Variants in SV2B observed in about 807,000 individuals in gnomAD.
The protein encoded by SV2B is solute carrier family 22 member B2.
SV2B carries 41 observed loss-of-function variants against 73.9 expected under a neutral mutation model. The observed-to-expected ratio is 0.56, with a 90% confidence interval of 0.43 to 0.72. The LOEUF (loss-of-function observed/expected upper bound fraction) is 0.72, where lower values mean the gene tolerates loss of function less well. Among genes scored for constraint, SV2B ranks in the 30% least tolerant of loss-of-function variants. The pLI is 0.00. For missense variants in SV2B, 764 were observed against 857.8 expected (o/e 0.89, Z 1.37); for synonymous variants, 314 against 314.2 (o/e 1.00, Z 0.01).
rs573041803 is a variant in SV2B, at chr15:91,301,431, T to C, written c.*8879T>C. The C allele has an allele frequency of 3.9e-5, 6 of 152,342 alleles. No homozygotes were observed. In the East Asian group the frequency reaches 9.6e-4, roughly 24 times the overall value. 9.4% of individuals were successfully genotyped at this position (152,342 alleles called of 1,614,324 possible). On this transcript the variant is annotated 3_prime_UTR_variant, in exon 13 of 13. Coordinates refer to ENST00000394232, the MANE Select transcript of SV2B (RefSeq NM_001323032.3). The surrounding 1 kb of genome is among the most constrained non-coding windows in gnomAD (Gnocchi z 4.3). Reference sequence around the variant, plus strand: ...TACCGATGCCTTTTTTGTTCTTTGGTATATTAAAATAGTAGTAACAGTTGA... The same window carrying C: ...TACCGATGCCTTTTTTGTTCTTTGGCATATTAAAATAGTAGTAACAGTTGA...
At chr15:91,279,850 C>T (rs141120661) in intron 9 of SV2B, among the ~76,000 whole-genome samples, 3 of 152,218 alleles carry the variant, frequency 2.0e-5, no homozygotes, top group Non-Finnish European at 2.9e-5. Context: ...GAGGCATCTT[C>T]TTGTAACAAA....
At chr15:91,155,320 G>T (rs969585928) in intron 1 of SV2B, among the ~76,000 whole-genome samples, 13 of 152,178 alleles carry the variant, frequency 8.5e-5, no homozygotes, top group African/African-American at 2.9e-4. Flanking sequence ...CTATGCCAGT[G>T]AGTATTAACT....
chr15:91,297,841 C>G lies in SV2B; in HGVS notation c.*5289C>G, dbSNP rs192040796. On this transcript the variant is annotated 3_prime_UTR_variant, in exon 13 of 13. Coordinates refer to ENST00000394232, the MANE Select transcript of SV2B (RefSeq NM_001323032.3). The surrounding 1 kb of genome is among the most constrained non-coding windows in gnomAD (Gnocchi z 5.1). ...TGCTTGGTTTCACTCAGGTCCTGTC[C>G]TTATGGGCCTGTGTCTGGTTGCAGG... 1 of 152,330 alleles carries G rather than the reference C, an allele frequency of 6.6e-6. No homozygotes were observed. Among genetic ancestry groups the G allele is most frequent in the East Asian group, 1.9e-4 (1 of 5,190 alleles). The allele number at this position is 152,330 out of a possible 1,614,324, so 9.4% of individuals were successfully genotyped here.
Position 91,283,872 on chromosome 15 carries a change from C to A in SV2B, c.1508-149C>A. On this transcript the variant is annotated intron_variant, in intron 10 of 12. Coordinates refer to ENST00000394232, the MANE Select transcript of SV2B (RefSeq NM_001323032.3). The surrounding 1 kb of genome is among the most constrained non-coding windows in gnomAD (Gnocchi z 4.3). ...CCTCATCCATACCTTGATGACATGG[C>A]CACATATTACCTTGACTTTGAGGCT... The A allele has an allele frequency of 1.3e-6, 1 of 777,192 alleles. No homozygotes were observed. Among genetic ancestry groups the A allele is most frequent in the Non-Finnish European group, 2.2e-6 (1 of 463,932 alleles). 48.1% of individuals were successfully genotyped at this position (777,192 alleles called of 1,614,324 possible).
intron 2 of SV2B, among the ~76,000 whole-genome samples, chr15:91,247,309 T>A (rs2047274968): frequency 1.3e-5 from 2 of 152,228 alleles, no homozygotes; most frequent in Admixed American, 6.5e-5. Flanking sequence ...ACTAAGGGGT[T>A]GGATTCAACA....
chr15:91,166,603 A>T (rs185729423), intron 1 of SV2B, among the ~76,000 whole-genome samples: 15 of 152,006 alleles, frequency 9.9e-5, no homozygotes, highest in Middle Eastern at 3.4e-3. Flanking sequence ...AGAACTTTTG[A>T]TATAGTTCCA....
chr15:91,120,180 G>T (rs565217542), intron 1 of SV2B, among the ~76,000 whole-genome samples: 1 of 152,166 alleles, frequency 6.6e-6, no homozygotes, highest in Non-Finnish European at 1.5e-5. Context: ...AGGTTTAATT[G>T]ACTCACAGTT....
At position 91,229,520 on chromosome 15, in the gene SV2B, G is replaced by T. The variant is rs923161696; in HGVS notation, c.451+2806G>T. Among the ~76,000 whole-genome samples the T allele has an allele frequency of 1.3e-5, 2 of 152,188 alleles. No homozygotes were observed. Among genetic ancestry groups the T allele is most frequent in the African/African-American group, 4.8e-5 (2 of 41,446 alleles). On this transcript the variant is annotated intron_variant, in intron 2 of 12. Transcript: ENST00000394232. The surrounding 1 kb of genome is among the most constrained non-coding windows in gnomAD (Gnocchi z 4.3). Reference sequence around the variant, plus strand: ...ACGTGGCCCTGGAGCCAGTTGCTTGGATTTGAATCCTTGCTGTGCCAGTTC... The same window carrying T: ...ACGTGGCCCTGGAGCCAGTTGCTTGTATTTGAATCCTTGCTGTGCCAGTTC...
chr15:91,169,146 T>TCTC (rs993215152), intron 1 of SV2B, among the ~76,000 whole-genome samples: 5 of 151,872 alleles, frequency 3.3e-5, no homozygotes, highest in African/African-American at 4.8e-5. Flanking sequence ...TCATTCTGTT[T>TCTC]CTCCTCCTCC....
At chr15:91,255,606 A>G (rs1024589110) in intron 4 of SV2B, among the ~76,000 whole-genome samples, 1 of 152,210 alleles carries the variant, frequency 6.6e-6, no homozygotes, top group African/African-American at 2.4e-5. Flanking sequence ...CCTGTTCCCC[A>G]ATAACCTATG....
intron 1 of SV2B, among the ~76,000 whole-genome samples, chr15:91,133,096 T>C (rs1026926420): frequency 2.0e-5 from 3 of 152,160 alleles, no homozygotes; most frequent in Non-Finnish European, 4.4e-5. Context: ...CTGAGGATCA[T>C]AGAGATTAAG....
At chr15:91,255,548 A>C (rs1039048710) in intron 4 of SV2B, among the ~76,000 whole-genome samples, 1 of 152,146 alleles carries the variant, frequency 6.6e-6, no homozygotes, top group African/African-American at 2.4e-5. Context: ...GGTGTACCAA[A>C]ATCTCACAAA....
intron 1 of SV2B, among the ~76,000 whole-genome samples, chr15:91,125,460 G>A (rs187241668): frequency 1.1e-4 from 16 of 152,226 alleles, no homozygotes; most frequent in African/African-American, 2.6e-4. Context: ...AGTGCAAGGA[G>A]TGAGGCTTCC....
In SV2B at chr15:91,261,027, G is replaced by T. The variant is rs555144943; in HGVS notation, c.1008+618G>T. Among the ~76,000 whole-genome samples the T allele has an allele frequency of 6.6e-6, 1 of 152,324 alleles. No individual in the cohort carries two copies. The highest frequency in any genetic ancestry group is 2.1e-4 in the South Asian group (1 of 4,830). On this transcript the variant is annotated intron_variant, in intron 6 of 12. Transcript: ENST00000394232. The surrounding 1 kb of genome is among the most constrained non-coding windows in gnomAD (Gnocchi z 4.7). ...GCAGAGCCACACCACATCAGAGGCC[G>T]AGGCTGGCAGATCACTTGAAGTCAG...
intron 6 of SV2B, among the ~76,000 whole-genome samples, chr15:91,266,135 G>A (rs1270499575): frequency 6.6e-6 from 1 of 152,128 alleles, no homozygotes; most frequent in Non-Finnish European, 1.5e-5. Context: ...GAGCGAGACT[G>A]TGTCTCAAAA....
Position 91,141,563 on chromosome 15 carries a change from A to G in SV2B, c.-392+41200A>G, listed in dbSNP as rs7163513. On this transcript the variant is annotated intron_variant, in intron 1 of 12. Coordinates refer to ENST00000394232, the MANE Select transcript of SV2B (RefSeq NM_001323032.3). The surrounding 1 kb of genome is among the most constrained non-coding windows in gnomAD (Gnocchi z 4.6). ...CCAGCGAGCTTTGCTTTGAATGTCT[A>G]AAGAGTGGTAAGGGTAATATCTACT... Among the ~76,000 whole-genome samples the G allele has an allele frequency of 0.032, 4,931 of 152,276 alleles. 264 individuals carry two copies. The highest frequency in any genetic ancestry group is 0.11 in the African/African-American group (4,572 of 41,518).
At chr15:91,216,683 C>G (rs867670111) in intron 1 of SV2B, among the ~76,000 whole-genome samples, 2 of 151,786 alleles carry the variant, frequency 1.3e-5, no homozygotes, top group African/African-American at 4.8e-5. Flanking sequence ...GTTGGTCAGG[C>G]TGGTCTCGAA....
rs534502559 is a variant in SV2B, at chr15:91,292,614, A to G, written c.*62A>G. ...GTCCAGGACACTGAAATGCATCCAC[A>G]CTTCCTGCCTATCACGGTCCGGAGG... On this transcript the variant is annotated 3_prime_UTR_variant, in exon 13 of 13. Coordinates refer to ENST00000394232, the MANE Select transcript of SV2B (RefSeq NM_001323032.3). The G allele has an allele frequency of 6.4e-7, 1 of 1,551,878 alleles. No individual in the cohort carries two copies. Among genetic ancestry groups the G allele is most frequent in the Non-Finnish European group, 8.7e-7 (1 of 1,150,286 alleles).
chr15:91,152,069 C>CTTTTTTT (rs1295411670), intron 1 of SV2B, among the ~76,000 whole-genome samples: 2 of 103,410 alleles, frequency 1.9e-5, no homozygotes, highest in African/African-American at 8.4e-5. Flanking sequence ...TTAATTTTTA[C>CTTTTTTT]TCTTTTTTTT....
Sources: allele counts gnomAD v4.1 joint callset (sites outside exome capture counted in the v4.1 genomes callset), GRCh38; gene constraint gnomAD v4.1.1; non-coding constraint Gnocchi (gnomAD v3.1); transcripts MANE v1.5; gene names NCBI Gene and HGNC (gene_info 2026-07-23, HGNC 2026-07-21).